Variants in LY75 observed in about 807,000 individuals in gnomAD.
The protein encoded by LY75 is C-type lectin domain family 13 member B.
LY75 carries 185 observed loss-of-function variants against 231.7 expected under a neutral mutation model. That is an observed-to-expected ratio of 0.80 (90% CI 0.71 to 0.90). The LOEUF is 0.90. LY75 is among the 40% of genes least tolerant of loss of function. The pLI, the probability that LY75 is intolerant of heterozygous loss-of-function variation, is 0.00. For missense variants in LY75, 1,947 were observed against 2,050.2 expected (o/e 0.95, Z 0.97); for synonymous variants, 668 against 689.0 (o/e 0.97, Z 0.48).
chr2:159,875,309 C>G, intron 12 of LY75, 135 bp downstream of exon 12: 1 of 1,250,784 alleles, frequency 8.0e-7, no homozygotes, highest in East Asian at 2.6e-5. Flanking sequence ...GATGCCCTGC[C>G]AAGGACTCTG....
At chr2:159,805,258 A>G in intron 34 of LY75, 36 bp from the exon 35 acceptor site, 2 of 1,523,306 alleles carry the variant, frequency 1.3e-6, no homozygotes, top group Non-Finnish European at 1.8e-6. Context: ...GGAGGAGAGA[A>G]TACAAAAGTG....
chr2:159,865,978 T>C (rs1684846083), intron 13 of LY75, among the ~76,000 whole-genome samples: 2 of 152,220 alleles, frequency 1.3e-5, no homozygotes, highest in Admixed American at 1.3e-4. Context: ...TTGAAAATGT[T>C]TTCTAAAATT....
At chr2:159,810,997 A>G (rs1682942725) in intron 31 of LY75, among the ~76,000 whole-genome samples, 1 of 152,188 alleles carries the variant, frequency 6.6e-6, no homozygotes, top group Admixed American at 6.5e-5. Flanking sequence ...ACTCTGAAAT[A>G]ATAATTAAAA....
intron 4 of LY75, among the ~76,000 whole-genome samples, chr2:159,889,241 T>C (rs1224130211): frequency 1.3e-5 from 2 of 152,244 alleles, no homozygotes; most frequent in Non-Finnish European, 2.9e-5. Context: ...TATTTATTTA[T>C]TTTTTAAGAC....
Position 159,845,754 on chromosome 2 carries a change from C to A in LY75, c.3151-3380G>T, listed in dbSNP as rs140079467. 2.9e-3 allele frequency among the ~76,000 whole-genome samples: 436 copies of A among 151,272 alleles called. 1 individual carries two copies. The highest frequency in any genetic ancestry group is 9.7e-3 in the African/African-American group (401 of 41,312). On this transcript the variant is annotated intron_variant, in intron 23 of 34. Coordinates refer to ENST00000263636, the MANE Select transcript of LY75 (RefSeq NM_002349.4). ...CAGTTGGTCGAATCCAGATTCAGAA[C>A]CCATGGATATGAAGGGCTGACTGTA... is the stretch of plus-strand genomic sequence containing the variant.
At chr2:159,868,283 G>A (rs1188318815) in intron 13 of LY75, among the ~76,000 whole-genome samples, 1 of 152,068 alleles carries the variant, frequency 6.6e-6, no homozygotes. Context: ...AAGGAGATTT[G>A]TTTTTTCTCT....
intron 23 of LY75, among the ~76,000 whole-genome samples, chr2:159,847,591 G>A (rs548565017): frequency 1.3e-5 from 2 of 152,138 alleles, no homozygotes; most frequent in African/African-American, 4.8e-5. Flanking sequence ...GTGGGGCAGG[G>A]GTAACATCTT....
At chr2:159,815,725 C>A in intron 30 of LY75, 152 bp from the exon 31 acceptor site, 16 of 896,468 alleles carry the variant, frequency 1.8e-5, no homozygotes, top group Non-Finnish European at 2.4e-5. Flanking sequence ...TATTGTAGGT[C>A]TGATTTACTT....
rs761970160 is a variant in LY75 at position 159,840,786 on chromosome 2, G to A, written c.3450C>T (p.Leu1150=). Residue 1150 remains leucine, a synonymous_variant, in exon 25 of 35, where the codon CTC becomes CTT. Transcript: ENST00000263636. ...SITDPYQQAF[L]SVQALLHNSS... is the part of the protein sequence containing the mutation. ...AGTTGTGAAGGAGCGCCTGCACACT[G>A]AGGAATGCCTGCTGGTAAGGGTCCG... The A allele has an allele frequency of 6.2e-6, 10 of 1,613,974 alleles. No individual in the cohort carries two copies. In the South Asian group the frequency reaches 1.1e-4, roughly 18 times the overall value.
intron 34 of LY75, among the ~76,000 whole-genome samples, chr2:159,806,522 A>AT (rs896595666): frequency 6.6e-6 from 1 of 152,180 alleles, no homozygotes; most frequent in Non-Finnish European, 1.5e-5. Context: ...TCAAATTATG[A>AT]TTTTTTATAG....
intron 3 of LY75, among the ~76,000 whole-genome samples, 187 bp from the exon 4 acceptor site, chr2:159,890,564 A>C (rs1399667539): frequency 6.6e-6 from 1 of 152,204 alleles, no homozygotes; most frequent in Non-Finnish European, 1.5e-5. Flanking sequence ...CAAATGACTC[A>C]GGCTGGTTGA....
chr2:159,853,371 T>G lies in LY75; in HGVS notation c.2664-19A>C, dbSNP rs775505818. 2 of 1,611,576 alleles carry G rather than the reference T, an allele frequency of 1.2e-6. No individual in the cohort carries two copies. The highest frequency in any genetic ancestry group is 1.7e-6 in the Non-Finnish European group (2 of 1,178,536). On this transcript the variant is annotated intron_variant, in intron 19 of 34. Transcript: ENST00000263636. ...TCGTGAGCTAAAAGAAAATGACAGA[T>G]TTGACAACTCGTAATGTAATTAGGT... is the stretch of plus-strand genomic sequence containing the variant.
intron 11 of LY75, 114 bp downstream of exon 11, chr2:159,878,210 C>T (rs1685329149): frequency 7.1e-7 from 1 of 1,402,342 alleles, no homozygotes; most frequent in Non-Finnish European, 9.7e-7. Flanking sequence ...AGACTCCAAT[C>T]CTGAAGATCA....
chr2:159,879,224 C>G, intron 9 of LY75, 35 bp downstream of exon 9: 1 of 1,601,182 alleles, frequency 6.2e-7, no homozygotes, highest in Non-Finnish European at 8.5e-7. Flanking sequence ...AGTTGTAATA[C>G]TGCTTGAGAA....
At chr2:159,825,421 C>T (rs1683430637) in intron 28 of LY75, among the ~76,000 whole-genome samples, 1 of 152,172 alleles carries the variant, frequency 6.6e-6, no homozygotes, top group African/African-American at 2.4e-5. Flanking sequence ...GAAGCTGAAT[C>T]CCTGAATAAG....
In LY75 at chr2:159,835,768, C is replaced by T. The variant is rs886777337; in HGVS notation, c.3508-123G>A. 2.1e-5 allele frequency: 26 copies of T among 1,211,122 alleles called. 1 individual carries two copies. Among genetic ancestry groups the T allele is most frequent in the South Asian group, 1.1e-4 (7 of 61,198 alleles). The allele number at this position is 1,211,122 out of a possible 1,614,324, so 75.0% of individuals were successfully genotyped here. ...TAATATTTAATACACATTTACATAC[C>T]ATTTACTACATAACAAGCATTGTTC... On this transcript the variant is annotated intron_variant, in intron 25 of 34. Transcript: ENST00000263636.
At chr2:159,893,869 T>C in intron 3 of LY75, 45 bp downstream of exon 3, 1 of 1,550,300 alleles carries the variant, frequency 6.5e-7, no homozygotes, top group Middle Eastern at 1.7e-4. Flanking sequence ...TTGCCTCATA[T>C]AAATGTACTA....
At chr2:159,872,672 A>G (rs1685051946) in intron 12 of LY75, 79 bp from the exon 13 acceptor site, 1 of 1,502,410 alleles carries the variant, frequency 6.7e-7, no homozygotes, top group Admixed American at 1.9e-5. Context: ...TTACTGTCAC[A>G]TGTGTGGGCC....
Position 159,805,213 on chromosome 2 carries a change from T to C in LY75, c.5000A>G (p.Tyr1667Cys). 6.2e-7 allele frequency: 1 copy of C among 1,613,686 alleles called. No individual in the cohort carries two copies. The highest frequency in any genetic ancestry group is 1.1e-5 in the South Asian group (1 of 91,000). Residue 1667 changes from tyrosine to cysteine, a missense_variant, in exon 35 of 35, where the codon TAC becomes TGC. By Grantham distance (194) the Tyr-to-Cys change is radical. Coordinates refer to ENST00000263636, the MANE Select transcript of LY75 (RefSeq NM_002349.4). ...GGCAACTATGATAGCTATTGCTGTG[T>C]AATCAGGGCCTGGAACAGGAAAAGG... is the stretch of plus-strand genomic sequence containing the variant. Reference protein sequence around the residue: ...VVCKVPLGPDYTAIAIIVATL... With the variant: ...VVCKVPLGPDCTAIAIIVATL...
Sources: gnomAD v4.1 joint callset for allele counts (sites outside exome capture counted in the v4.1 genomes callset) on GRCh38, gnomAD v4.1.1 for gene constraint, MANE v1.5 for transcripts, NCBI Gene and HGNC (gene_info 2026-07-23, HGNC 2026-07-21) for gene names.